Variants in BMAL2 observed in about 807,000 individuals in gnomAD.
BMAL2 encodes the protein basic helix-loop-helix ARNT-like protein 2.
At chr12:27,412,376 A>C in the BMAL2 span, among the ~76,000 whole-genome samples, 1 of 152,194 alleles carries the variant, frequency 6.6e-6, no homozygotes, top group Non-Finnish European at 1.5e-5. Context: ...GTTCCTAACT[A>C]AGGTAAAGTC....
At chr12:27,412,696 A>AACACACAC in the BMAL2 span, among the ~76,000 whole-genome samples, 3 of 149,896 alleles carry the variant, frequency 2.0e-5, no homozygotes, top group African/African-American at 7.4e-5. Flanking sequence ...TTAAAAACAA[A>AACACACAC]ACACACACAC....
the BMAL2 span, among the ~76,000 whole-genome samples, chr12:27,411,657 A>G: frequency 6.6e-6 from 1 of 152,094 alleles, no homozygotes; most frequent in Non-Finnish European, 1.5e-5. Flanking sequence ...AGAAGTGTGC[A>G]TTCAAGTCCT....
At chr12:27,383,587 G>A in the BMAL2 span, among the ~76,000 whole-genome samples, 5 of 152,062 alleles carry the variant, frequency 3.3e-5, no homozygotes, top group Non-Finnish European at 7.4e-5. Context: ...GATGTACACC[G>A]ACGGGGTTTC....
chr12:27,423,935 T>C, the BMAL2 span: 2 of 152,192 alleles, frequency 1.3e-5, no homozygotes, highest in Non-Finnish European at 2.9e-5. Flanking sequence ...ATGTGGCTAG[T>C]ACAAAGTGAG....
the BMAL2 span, among the ~76,000 whole-genome samples, chr12:27,350,721 C>G: frequency 6.6e-6 from 1 of 151,976 alleles, no homozygotes; most frequent in Non-Finnish European, 1.5e-5. Flanking sequence ...GCTCTGTTGC[C>G]CAGGCTGAAG....
At chr12:27,366,481 A>G in the BMAL2 span, among the ~76,000 whole-genome samples, 1 of 152,188 alleles carries the variant, frequency 6.6e-6, no homozygotes, top group Non-Finnish European at 1.5e-5. Context: ...CTGTGTTATT[A>G]GGTACAAATT....
the BMAL2 span, among the ~76,000 whole-genome samples, chr12:27,338,356 C>T: frequency 6.6e-6 from 1 of 152,054 alleles, no homozygotes; most frequent in African/African-American, 2.4e-5. Context: ...AGTTAGTCTC[C>T]TCCCCCACAG....
the BMAL2 span, among the ~76,000 whole-genome samples, chr12:27,393,457 C>T: frequency 6.6e-6 from 1 of 152,150 alleles, no homozygotes; most frequent in Non-Finnish European, 1.5e-5. Flanking sequence ...ATCCAGAGAG[C>T]CTACTTTGAC....
the BMAL2 span, chr12:27,390,048 T>C: frequency 6.3e-7 from 1 of 1,589,860 alleles, no homozygotes; most frequent in Non-Finnish European, 8.6e-7. Context: ...CAAAATTATT[T>C]GACAATATTC....
the BMAL2 span, among the ~76,000 whole-genome samples, chr12:27,407,757 A>G: frequency 6.6e-6 from 1 of 152,228 alleles, no homozygotes. Context: ...GCAGAACTGA[A>G]GGAGATAGAG....
the BMAL2 span, among the ~76,000 whole-genome samples, chr12:27,384,615 C>T: frequency 3.9e-5 from 6 of 152,098 alleles, no homozygotes; most frequent in Non-Finnish European, 7.4e-5. Flanking sequence ...TGCCTGAAAC[C>T]GTGGGTAGTG....
At chr12:27,412,200 C>G in the BMAL2 span, among the ~76,000 whole-genome samples, 1 of 152,132 alleles carries the variant, frequency 6.6e-6, no homozygotes, top group Non-Finnish European at 1.5e-5. Context: ...GGAAATGGAG[C>G]TAAACATTGA....
the BMAL2 span, among the ~76,000 whole-genome samples, chr12:27,393,492 C>G: frequency 6.6e-6 from 1 of 152,206 alleles, no homozygotes; most frequent in Admixed American, 6.5e-5. Context: ...ACTCTTTTCT[C>G]AAGATTCTCT....
the BMAL2 span, among the ~76,000 whole-genome samples, chr12:27,357,352 G>GA: frequency 6.6e-6 from 1 of 152,102 alleles, no homozygotes; most frequent in African/African-American, 2.4e-5. Flanking sequence ...AAGCACTACT[G>GA]AAAGAAATCA....
chr12:27,401,722 C>A, the BMAL2 span: 1 of 1,374,602 alleles, frequency 7.3e-7, no homozygotes, highest in Non-Finnish European at 9.9e-7. Context: ...TCAAATGAGT[C>A]TCTTTGCTTT....
chr12:27,390,925 C>A, the BMAL2 span, among the ~76,000 whole-genome samples: 1 of 152,140 alleles, frequency 6.6e-6, no homozygotes, highest in Admixed American at 6.5e-5. Context: ...TATGGAGCCA[C>A]AAAAATTCAA....
chr12:27,413,434 A>G, the BMAL2 span, among the ~76,000 whole-genome samples: 2 of 152,364 alleles, frequency 1.3e-5, no homozygotes, highest in South Asian at 4.1e-4. Flanking sequence ...AAGTTAAATT[A>G]TCAGCTTAAA....
the BMAL2 span, among the ~76,000 whole-genome samples, chr12:27,393,468 A>G: frequency 6.6e-6 from 1 of 152,158 alleles, no homozygotes; most frequent in African/African-American, 2.4e-5. Flanking sequence ...CTACTTTGAC[A>G]GTCACTGCTT....
the BMAL2 span, among the ~76,000 whole-genome samples, chr12:27,341,873 C>T: frequency 1.3e-5 from 2 of 152,150 alleles, no homozygotes; most frequent in African/African-American, 4.8e-5. Flanking sequence ...ATGAAAAGAG[C>T]ACTCATGGAA....
Sources: gnomAD v4.1 joint callset for allele counts (sites outside exome capture counted in the v4.1 genomes callset) on GRCh38, gnomAD v4.1.1 for gene constraint, MANE v1.5 for transcripts, NCBI Gene and HGNC (gene_info 2026-07-23, HGNC 2026-07-21) for gene names.